The following RIPOR2 variants were observed in gnomAD, a reference collection of about 807,000 sequenced individuals.
RIPOR2 encodes the protein RHO family interacting cell polarization regulator 2.
RIPOR2 carries 39 observed loss-of-function variants against 114.5 expected under a neutral mutation model. The observed-to-expected ratio is 0.34, with a 90% CI of 0.26 to 0.44. The LOEUF (loss-of-function observed/expected upper bound fraction) is 0.44. RIPOR2 is among the 20% of genes least tolerant of loss of function. RIPOR2 has a pLI of 1.00. For synonymous variants in RIPOR2, 445 were observed against 484.4 expected, an observed-to-expected ratio of 0.92 and a Z score of 1.07; for missense variants, 1,007 against 1,255.1, an observed-to-expected ratio of 0.80 and a Z score of 2.99.
At chr6:24,932,892 G>A (rs1181932345) in intron 1 of RIPOR2, among the ~76,000 whole-genome samples, 2 of 152,180 alleles carry the variant, frequency 1.3e-5, no homozygotes, top group Non-Finnish European at 2.9e-5. Context: ...CCTAGAACAA[G>A]CATGAACTTT....
At chr6:24,950,364 A>T (rs1772685520) in intron 1 of RIPOR2, among the ~76,000 whole-genome samples, 1 of 152,070 alleles carries the variant, frequency 6.6e-6, no homozygotes, top group Non-Finnish European at 1.5e-5. Flanking sequence ...CCTCCCTCCT[A>T]TTCAACCATC....
At chr6:24,807,441 C>T (rs1780844910) in intron 21 of RIPOR2, among the ~76,000 whole-genome samples, 1 of 152,182 alleles carries the variant, frequency 6.6e-6, no homozygotes, top group South Asian at 2.1e-4. Context: ...CATTGCACTC[C>T]AGCCTGGGTG....
At position 25,041,105 on chromosome 6, in the gene RIPOR2, G is replaced by A. The variant is rs186537682; in HGVS notation, c.76+746C>T. Among the ~76,000 whole-genome samples, 436 of 152,258 alleles carry A rather than the reference G, an allele frequency of 2.9e-3. 3 individuals carry two copies. The highest frequency in any genetic ancestry group is 9.5e-3 in the African/African-American group (393 of 41,520). On this transcript the variant is annotated intron_variant, in intron 1 of 13. Coordinates refer to the RIPOR2 transcript ENST00000510784. ...TCACTATCATTTTTCTCACAACAGAGACAGGAAGAAAGTGAACTATTCCTT... is the reference window on the plus strand; with the variant it reads ...TCACTATCATTTTTCTCACAACAGAAACAGGAAGAAAGTGAACTATTCCTT...
At chr6:24,899,309 T>A (rs1032168446) in intron 1 of RIPOR2, among the ~76,000 whole-genome samples, 1 of 152,150 alleles carries the variant, frequency 6.6e-6, no homozygotes. Flanking sequence ...TTTGCACTGA[T>A]TTGAAAAATG....
At chr6:25,029,785 C>G (rs1776832080) in intron 1 of RIPOR2, among the ~76,000 whole-genome samples, 1 of 151,952 alleles carries the variant, frequency 6.6e-6, no homozygotes, top group Non-Finnish European at 1.5e-5. Context: ...TTTTTTTGTC[C>G]TTTGAGGGAA....
intron 1 of RIPOR2, among the ~76,000 whole-genome samples, chr6:25,006,411 C>G (rs1775564242): frequency 6.6e-6 from 1 of 152,178 alleles, no homozygotes; most frequent in African/African-American, 2.4e-5. Flanking sequence ...ATAATTACTA[C>G]TTTTTCTTTG....
intron 17 of RIPOR2, among the ~76,000 whole-genome samples, chr6:24,830,152 G>A (rs564092482): frequency 1.3e-5 from 2 of 152,214 alleles, no homozygotes; most frequent in South Asian, 4.1e-4. Flanking sequence ...TTTTAGTAGA[G>A]ATGGAGTTTT....
At chr6:25,035,349 G>C (rs1777189515) in intron 1 of RIPOR2, among the ~76,000 whole-genome samples, 1 of 152,172 alleles carries the variant, frequency 6.6e-6, no homozygotes, top group Admixed American at 6.5e-5. Context: ...TAAGCTTGTA[G>C]CTTAAAAGAA....
At chr6:24,874,247 C>T (rs948122785) in intron 2 of RIPOR2, among the ~76,000 whole-genome samples, 2 of 152,086 alleles carry the variant, frequency 1.3e-5, no homozygotes, top group African/African-American at 2.4e-5. Context: ...AATCCTCCTG[C>T]TGTGGCCTCT....
chr6:24,918,470 T>C (rs56748682), intron 1 of RIPOR2, among the ~76,000 whole-genome samples: 2,411 of 152,274 alleles, frequency 0.016, 54 homozygotes, highest in African/African-American at 0.055. Flanking sequence ...TTAATTCTTT[T>C]CCAACTCCCT....
chr6:24,852,700 C>A (rs1763083221), intron 8 of RIPOR2, 82 bp from the exon 9 acceptor site: 2 of 1,066,392 alleles, frequency 1.9e-6, no homozygotes, highest in Non-Finnish European at 2.7e-6. Context: ...AAAAAGAATT[C>A]AAGTGAAGTG....
intron 1 of RIPOR2, among the ~76,000 whole-genome samples, chr6:24,952,877 A>G (rs1222907089): frequency 1.3e-5 from 2 of 152,256 alleles, no homozygotes; most frequent in Admixed American, 6.5e-5. Context: ...AGGAGTAGCC[A>G]TATAGTTAAT....
At chr6:24,940,410 GAGAAAAACCTGAACTA>G (rs1320866201), upstream of RIPOR2, among the ~76,000 whole-genome samples, 3 of 152,190 alleles carry the variant, frequency 2.0e-5, no homozygotes, top group African/African-American at 7.2e-5. Context: ...TCTGAACAGG[GAGAAAAACCTGAACTA>G]ATTAGGAGCA....
chr6:25,005,719 A>G (rs1775526386), intron 1 of RIPOR2, among the ~76,000 whole-genome samples: 1 of 106,626 alleles, frequency 9.4e-6, no homozygotes, highest in African/African-American at 2.8e-5. Context: ...ATATATATAT[A>G]TATATATATA....
At chr6:24,902,990 G>GA (rs1768625309) in intron 1 of RIPOR2, among the ~76,000 whole-genome samples, 1 of 152,190 alleles carries the variant, frequency 6.6e-6, no homozygotes, top group African/African-American at 2.4e-5. Flanking sequence ...ATTCCAAAAT[G>GA]TAGTGGCCTG....
chr6:24,987,519 G>T (rs1018365649), intron 1 of RIPOR2, among the ~76,000 whole-genome samples: 3 of 152,160 alleles, frequency 2.0e-5, no homozygotes, highest in Non-Finnish European at 4.4e-5. Context: ...CAAATTAAAA[G>T]GCTCAAATCA....
chr6:24,903,306 A>C (rs1348172792), intron 1 of RIPOR2, among the ~76,000 whole-genome samples: 1 of 152,222 alleles, frequency 6.6e-6, no homozygotes, highest in Non-Finnish European at 1.5e-5. Flanking sequence ...AGCCTTAGAA[A>C]TCACATTCTC....
At chr6:24,914,621 T>G (rs1186701433) in intron 1 of RIPOR2, among the ~76,000 whole-genome samples, 1 of 152,196 alleles carries the variant, frequency 6.6e-6, no homozygotes, top group Non-Finnish European at 1.5e-5. Context: ...GAAAATGGCC[T>G]CTTTTAATAA....
At chr6:24,958,833 G>A (rs1186125494) in intron 1 of RIPOR2, among the ~76,000 whole-genome samples, 1 of 152,064 alleles carries the variant, frequency 6.6e-6, no homozygotes, top group East Asian at 1.9e-4. Context: ...TGAGGAGGGT[G>A]GGGGTCATCC....
Sources: allele counts gnomAD v4.1 joint callset (sites outside exome capture counted in the v4.1 genomes callset), GRCh38; gene constraint gnomAD v4.1.1; transcripts MANE v1.5; gene names NCBI Gene and HGNC (gene_info 2026-07-23, HGNC 2026-07-21).